The following NAV3 variants were observed in gnomAD, a reference collection of about 807,000 sequenced individuals.
NAV3 encodes neuron navigator 3.
Under a neutral mutation model 244.7 loss-of-function variants are expected in NAV3, and 87 were observed. The ratio of observed to expected loss-of-function variants is 0.36; its 90% CI spans 0.30 to 0.42. NAV3 has a LOEUF of 0.42. Ranked by LOEUF, NAV3 falls within the 20% of genes least tolerant of loss-of-function variation. The pLI is 1.00. For missense variants in NAV3, 2,663 were observed against 2,893.3 expected, an observed-to-expected ratio of 0.92 and a Z score of 1.83; for synonymous variants, 1,126 against 1,042.2, an observed-to-expected ratio of 1.08 and a Z score of -1.55.
intron 5 of NAV3, among the ~76,000 whole-genome samples, chr12:77,989,414 C>A (rs2136337676): frequency 6.6e-6 from 1 of 152,218 alleles, no homozygotes; most frequent in East Asian, 1.9e-4. Flanking sequence ...AACTGTTTGC[C>A]CATTGGGCTT....
At position 78,211,921 on chromosome 12, in the gene NAV3, T is replaced by G. The variant is rs1960912685; in HGVS notation, c.*1404T>G. Reference sequence around the variant, plus strand: ...TATTGTAAATAATAATTTTTAAAACTTGCACAAATCAAAACAAACACAAAC... The same window carrying G: ...TATTGTAAATAATAATTTTTAAAACGTGCACAAATCAAAACAAACACAAAC... On this transcript the variant is annotated 3_prime_UTR_variant, in exon 40 of 40. Transcript: ENST00000397909. The G allele has an allele frequency of 1.3e-5, 2 of 152,592 alleles. No homozygotes were observed. Among genetic ancestry groups the G allele is most frequent in the South Asian group, 4.1e-4 (2 of 4,826 alleles). The allele number at this position is 152,592 out of a possible 1,614,324, so 9.5% of individuals were successfully genotyped here.
At chr12:77,937,131 G>T (rs1344854233) in intron 1 of NAV3, among the ~76,000 whole-genome samples, 1 of 152,108 alleles carries the variant, frequency 6.6e-6, no homozygotes, top group Non-Finnish European at 1.5e-5. Flanking sequence ...AACAAATAAA[G>T]TGTACTACAA....
chr12:77,663,744 C>A (rs1190976900), intron 2 of NAV3, among the ~76,000 whole-genome samples: 1 of 152,174 alleles, frequency 6.6e-6, no homozygotes, highest in Non-Finnish European at 1.5e-5. Flanking sequence ...TGGTCTCGAA[C>A]TCCTGATCTC....
chr12:77,945,032 A>T (rs1890200232), intron 3 of NAV3, among the ~76,000 whole-genome samples: 1 of 152,188 alleles, frequency 6.6e-6, no homozygotes, highest in Non-Finnish European at 1.5e-5. Context: ...TGTAGAGTGA[A>T]TAACGTGTTA....
chr12:78,208,123 A>G (rs892375794), intron 39 of NAV3, among the ~76,000 whole-genome samples: 18 of 152,162 alleles, frequency 1.2e-4, no homozygotes, highest in Non-Finnish European at 4.4e-5. Flanking sequence ...GGGCAGCTGC[A>G]TCTGGTGAGA....
At chr12:77,762,473 T>C (rs949657918) in intron 2 of NAV3, among the ~76,000 whole-genome samples, 1 of 151,982 alleles carries the variant, frequency 6.6e-6, no homozygotes, top group African/African-American at 2.4e-5. Flanking sequence ...CATGTTGGTG[T>C]GCACCTGTAG....
At chr12:78,193,246 C>T (rs1959060489) in intron 34 of NAV3, among the ~76,000 whole-genome samples, 1 of 152,180 alleles carries the variant, frequency 6.6e-6, no homozygotes, top group Non-Finnish European at 1.5e-5. Context: ...CACTTCAAGC[C>T]CTCCCTCAAG....
intron 12 of NAV3, among the ~76,000 whole-genome samples, chr12:78,104,658 G>A (rs894173451): frequency 2.6e-5 from 4 of 151,986 alleles, no homozygotes; most frequent in South Asian, 4.1e-4. Context: ...CAGCAGTTTC[G>A]CTAGCTACAT....
intron 9 of NAV3, among the ~76,000 whole-genome samples, chr12:78,033,608 A>C (rs1384850485): frequency 6.6e-6 from 1 of 152,132 alleles, no homozygotes; most frequent in Non-Finnish European, 1.5e-5. Flanking sequence ...ACTGTCGCTC[A>C]GAGTAAATGT....
At chr12:78,179,828 G>C (rs1400267633) in intron 29 of NAV3, 146 bp downstream of exon 29, 4 of 965,616 alleles carry the variant, frequency 4.1e-6, no homozygotes, top group Non-Finnish European at 5.9e-6. Context: ...CAACTCATCT[G>C]TTAGTACTGA....
intron 2 of NAV3, among the ~76,000 whole-genome samples, chr12:77,812,710 G>C (rs1872351013): frequency 6.6e-6 from 1 of 152,036 alleles, no homozygotes; most frequent in Non-Finnish European, 1.5e-5. Flanking sequence ...TTACAAGTGA[G>C]AGCCACTGCA....
intron 12 of NAV3, among the ~76,000 whole-genome samples, chr12:78,094,623 G>A (rs1049795646): frequency 4.6e-5 from 7 of 152,078 alleles, no homozygotes; most frequent in African/African-American, 1.7e-4. Flanking sequence ...ATTTACTTCA[G>A]TTATTCTTTA....
intron 2 of NAV3, among the ~76,000 whole-genome samples, chr12:77,675,183 A>G (rs934276638): frequency 6.6e-6 from 1 of 152,228 alleles, no homozygotes; most frequent in African/African-American, 2.4e-5. Flanking sequence ...TTTGTTATTA[A>G]TTCAGTCTTC....
At chr12:77,784,673 C>G (rs1870824105) in intron 2 of NAV3, among the ~76,000 whole-genome samples, 1 of 152,074 alleles carries the variant, frequency 6.6e-6, no homozygotes, top group Non-Finnish European at 1.5e-5. Flanking sequence ...AGATTATACC[C>G]TCATTAAAGC....
At chr12:78,036,826 T>C (rs1293735996) in intron 9 of NAV3, 5 of 645,386 alleles carry the variant, frequency 7.7e-6, no homozygotes, top group African/African-American at 1.8e-5. Context: ...CAAGACAATA[T>C]GAAGTCCAAT....
At position 77,851,582 on chromosome 12, in the gene NAV3, G is replaced by C. The variant is rs537950366; in HGVS notation, c.243+19878G>C. ...AATTATTTGTTACAGACTGAATTCT[G>C]TCTTCTTGTAATAATGATTGTCGTT... On this transcript the variant is annotated intron_variant, in intron 1 of 39. Transcript: ENST00000397909. Among the ~76,000 whole-genome samples the C allele has an allele frequency of 9.1e-4, 139 of 152,162 alleles. 1 individual carries two copies. Among genetic ancestry groups the C allele is most frequent in the Middle Eastern group, 6.8e-3 (2 of 294 alleles).
chr12:77,739,887 G>T (rs1868295112), intron 2 of NAV3, among the ~76,000 whole-genome samples: 2 of 152,086 alleles, frequency 1.3e-5, no homozygotes, highest in Admixed American at 1.3e-4. Flanking sequence ...AAATCTAAAA[G>T]ACAAGTGTCC....
chr12:78,119,091 T>G (rs1299907014), intron 14 of NAV3, 146 bp from the exon 15 acceptor site: 1 of 883,698 alleles, frequency 1.1e-6, no homozygotes, highest in South Asian at 1.8e-5. Context: ...CTCAGTCCTC[T>G]CAATATATGA....
intron 2 of NAV3, among the ~76,000 whole-genome samples, chr12:77,734,405 C>A (rs184227257): frequency 1.6e-4 from 25 of 152,092 alleles, no homozygotes; most frequent in African/African-American, 5.5e-4. Flanking sequence ...GTATGTTAGC[C>A]ACATGAAAAT....
Sources: gnomAD v4.1 joint callset for allele counts (sites outside exome capture counted in the v4.1 genomes callset) on GRCh38, gnomAD v4.1.1 for gene constraint, MANE v1.5 for transcripts, NCBI Gene and HGNC (gene_info 2026-07-23, HGNC 2026-07-21) for gene names.